The following EGF variants were observed in gnomAD, a reference collection of about 807,000 sequenced individuals.
EGF encodes pro-epidermal growth factor.
A neutral mutation model predicts 143.8 loss-of-function variants in EGF; 95 were observed. That is an observed-to-expected ratio of 0.66 (90% confidence interval 0.56 to 0.78). The LOEUF is 0.78. EGF is among the 30% of genes least tolerant of loss of function. The pLI is 0.00. For missense variants in EGF, 1,320 were observed against 1,470.9 expected, an observed-to-expected ratio of 0.90 and a Z score of 1.68; for synonymous variants, 510 against 510.5, an observed-to-expected ratio of 1.00 and a Z score of 0.01.
intron 9 of EGF, among the ~76,000 whole-genome samples, chr4:109,963,681 T>C (rs964689729): frequency 1.3e-5 from 2 of 152,202 alleles, no homozygotes; most frequent in African/African-American, 4.8e-5. Flanking sequence ...TCTGTCCTTT[T>C]AATGTCAAAA....
chr4:110,010,120 A>G (rs1753817051), intron 23 of EGF, among the ~76,000 whole-genome samples: 1 of 152,106 alleles, frequency 6.6e-6, no homozygotes, highest in Non-Finnish European at 1.5e-5. Flanking sequence ...TTAGCCTGGC[A>G]TGCTGGTGCA....
intron 2 of EGF, among the ~76,000 whole-genome samples, chr4:109,942,722 T>G (rs1490391890): frequency 6.6e-6 from 1 of 152,122 alleles, no homozygotes; most frequent in African/African-American, 2.4e-5. Flanking sequence ...GCTACTCTGG[T>G]CACAGTGTGA....
intron 20 of EGF, 111 bp from the exon 21 acceptor site, chr4:109,999,568 G>C (rs2074389): frequency 2.2e-6 from 3 of 1,377,718 alleles, no homozygotes; most frequent in African/African-American, 2.8e-5. Context: ...TGTTTCTAAA[G>C]AGCTGAGTCT....
At position 109,987,781 on chromosome 4, in the gene EGF, T is replaced by C. The variant is rs1337210665; in HGVS notation, c.2529T>C (p.Tyr843=). 6 of 1,613,902 alleles carry C rather than the reference T, an allele frequency of 3.7e-6. No individual in the cohort carries two copies. Among genetic ancestry groups the C allele is most frequent in the Middle Eastern group, 1.6e-4 (1 of 6,082 alleles). Residue 843 remains tyrosine, a synonymous_variant, in exon 17 of 24, where the codon TAT becomes TAC. Coordinates refer to ENST00000265171, the MANE Select transcript of EGF (RefSeq NM_001963.6). ...DDCAPVGCSM[Y]ARCISEGEDA... is the part of the protein sequence containing the mutation. ...GTGCTCCTGTGGGATGCAGCATGTA[T>C]GCTCGGTGTATTTCAGAGGGAGAGG...
chr4:109,932,360 C>CATATATATATATAT (rs57424246), intron 1 of EGF, among the ~76,000 whole-genome samples: 14 of 87,040 alleles, frequency 1.6e-4, no homozygotes, highest in African/African-American at 2.2e-4. Flanking sequence ...CCCATTTAGT[C>CATATATATATATAT]ATATATATAT....
At chr4:109,950,593 G>T (rs571752039) in intron 5 of EGF, among the ~76,000 whole-genome samples, 2 of 152,082 alleles carry the variant, frequency 1.3e-5, no homozygotes, top group Non-Finnish European at 2.9e-5. Context: ...GCTCACCAAG[G>T]CTTCTGCTCA....
chr4:109,991,201 C>A (rs963010061), intron 18 of EGF, among the ~76,000 whole-genome samples: 1 of 142,832 alleles, frequency 7.0e-6, no homozygotes, highest in Non-Finnish European at 1.5e-5. Context: ...CAAATATATC[C>A]AAAATATTAA....
chr4:109,972,864 A>G (rs957482474), intron 11 of EGF, among the ~76,000 whole-genome samples: 2 of 152,212 alleles, frequency 1.3e-5, no homozygotes, highest in African/African-American at 4.8e-5. Flanking sequence ...TTGGTGAACC[A>G]GCCACCAGAG....
intron 2 of EGF, among the ~76,000 whole-genome samples, chr4:109,942,225 A>G (rs1357367250): frequency 6.6e-6 from 1 of 152,262 alleles, no homozygotes; most frequent in Non-Finnish European, 1.5e-5. Flanking sequence ...TCAAGCCATT[A>G]GGAAAGGATC....
intron 19 of EGF, among the ~76,000 whole-genome samples, chr4:109,994,367 T>G (rs1751475605): frequency 6.6e-6 from 1 of 152,216 alleles, no homozygotes; most frequent in Non-Finnish European, 1.5e-5. Flanking sequence ...GAGTTACCAG[T>G]TGTTCAGTGA....
chr4:110,011,576 C>A lies in EGF; in HGVS notation c.*121C>A. ...CACAATCTCTACGACTAATCACCTA[C>A]TCAATGCCTGGAGACAGATACGTAG... On this transcript the variant is annotated 3_prime_UTR_variant, in exon 24 of 24. Coordinates refer to ENST00000265171, the MANE Select transcript of EGF (RefSeq NM_001963.6). The A allele has an allele frequency of 6.9e-7, 1 of 1,454,388 alleles. No individual in the cohort carries two copies. Among genetic ancestry groups the A allele is most frequent in the Non-Finnish European group, 9.5e-7 (1 of 1,056,294 alleles). 90.1% of individuals were successfully genotyped at this position (1,454,388 alleles called of 1,614,324 possible). A position where few individuals can be genotyped will look rare whatever the true frequency, so the allele number is the denominator to read the frequency against.
At chr4:109,994,631 G>T in intron 19 of EGF, 102 bp from the exon 20 acceptor site, 1 of 1,365,508 alleles carries the variant, frequency 7.3e-7, no homozygotes, top group Non-Finnish European at 1.0e-6. Flanking sequence ...GTCACTAAAA[G>T]ATTTATGTCA....
At chr4:110,010,755 T>C (rs1162089151) in intron 23 of EGF, among the ~76,000 whole-genome samples, 1 of 152,180 alleles carries the variant, frequency 6.6e-6, no homozygotes, top group African/African-American at 2.4e-5. Flanking sequence ...TGGCCTATTT[T>C]AATTTTTTAA....
chr4:109,914,253 C>T (rs1316568461), intron 1 of EGF, among the ~76,000 whole-genome samples: 3 of 152,106 alleles, frequency 2.0e-5, no homozygotes, highest in African/African-American at 4.8e-5. Flanking sequence ...TGCTTAGACA[C>T]GGCAGCCGCC....
rs145674428 is a variant in EGF at position 110,002,875 on chromosome 4, C to T, written c.3174-1630C>T. ...TTCCTTTCTTTGTGTTCCTGAGTTC[C>T]CATCATTTAGCTCCCACTTAGAAGT... On this transcript the variant is annotated intron_variant, in intron 21 of 23. Transcript: ENST00000265171. Among the ~76,000 whole-genome samples, 961 of 152,204 alleles carry T rather than the reference C, an allele frequency of 6.3e-3. 15 individuals are homozygous for T. Among genetic ancestry groups the T allele is most frequent in the African/African-American group, 0.022 (914 of 41,534 alleles).
rs1003918886 is a variant in EGF, at chr4:109,978,033, G to A, written c.2053+1798G>A. Among the ~76,000 whole-genome samples the A allele has an allele frequency of 3.4e-4, 51 of 152,162 alleles. 1 individual carries two copies. Among genetic ancestry groups the A allele is most frequent in the African/African-American group, 1.1e-3 (45 of 41,508 alleles). On this transcript the variant is annotated intron_variant, in intron 13 of 23. Coordinates refer to ENST00000265171, the MANE Select transcript of EGF (RefSeq NM_001963.6). ...TGTATGACTAATACAACTATTGAAG[G>A]CCATTATCAAATAATTTTATATTAA...
At chr4:109,980,213 A>C in intron 14 of EGF, 74 bp downstream of exon 14, 1 of 1,410,040 alleles carries the variant, frequency 7.1e-7, no homozygotes, top group South Asian at 1.5e-5. Flanking sequence ...GATGTCATGC[A>C]GTTGGCGGGG....
At position 109,940,930 on chromosome 4, in the gene EGF, C is replaced by T. The variant is rs1741825202; in HGVS notation, c.128-16C>T. 6.2e-7 allele frequency: 1 copy of T among 1,613,188 alleles called. No individual in the cohort carries two copies. The highest frequency in any genetic ancestry group is 8.5e-7 in the Non-Finnish European group (1 of 1,179,228). ...ATATTAAAAGTATACAGTTTGGTCT[C>T]TTTCTTCCCACCCAGGTCCTGCACC... On this transcript the variant is annotated splice_polypyrimidine_tract_variant and intron_variant, in intron 1 of 23. Coordinates refer to ENST00000265171, the MANE Select transcript of EGF (RefSeq NM_001963.6).
chr4:109,974,420 C>T (rs1748156266), intron 11 of EGF, among the ~76,000 whole-genome samples: 1 of 152,214 alleles, frequency 6.6e-6, no homozygotes, highest in South Asian at 2.1e-4. Flanking sequence ...CAGCCACTGA[C>T]ACGATCCTTT....
Sources: allele counts gnomAD v4.1 joint callset (sites outside exome capture counted in the v4.1 genomes callset), GRCh38; gene constraint gnomAD v4.1.1; transcripts MANE v1.5; gene names NCBI Gene and HGNC (gene_info 2026-07-23, HGNC 2026-07-21).